The following PDE4D variants were observed in gnomAD, a reference collection of about 807,000 sequenced individuals.
PDE4D encodes the protein 3',5'-cyclic-AMP phosphodiesterase 4D.
Under a neutral mutation model 87.4 loss-of-function variants are expected in PDE4D, and 24 were observed. The observed-to-expected ratio is 0.27, with a 90% CI of 0.20 to 0.39. The LOEUF is 0.39. Ranked by LOEUF, PDE4D falls within the 10% of genes least tolerant of loss-of-function variation. The probability of loss-of-function intolerance (pLI) is 1.00; values close to 1 mark genes in which losing one functional copy is unlikely to be tolerated. For synonymous variants in PDE4D, 384 were observed against 383.2 expected (o/e 1.00, Z -0.02); for missense variants, 714 against 1,041.0 (o/e 0.69, Z 4.32).
At chr5:60,106,422 C>A (rs1425626689) in intron 2 of PDE4D, among the ~76,000 whole-genome samples, 1 of 151,748 alleles carries the variant, frequency 6.6e-6, no homozygotes, top group Admixed American at 6.6e-5. Context: ...GACTTTAACA[C>A]CCCACTGTCA....
intron 1 of PDE4D, among the ~76,000 whole-genome samples, chr5:60,325,103 C>T (rs1756664251): frequency 6.6e-6 from 1 of 152,116 alleles, no homozygotes; most frequent in Non-Finnish European, 1.5e-5. Flanking sequence ...ATATTCTAAG[C>T]CTTAAAAACA....
intron 3 of PDE4D, among the ~76,000 whole-genome samples, chr5:59,970,276 C>A (rs1001485171): frequency 2.0e-5 from 3 of 152,126 alleles, no homozygotes; most frequent in Non-Finnish European, 2.9e-5. Context: ...CTAGGCAATA[C>A]CATTCAGGAC....
At chr5:59,378,784 C>A (rs539267906) in intron 1 of PDE4D, among the ~76,000 whole-genome samples, 387 of 152,184 alleles carry the variant, frequency 2.5e-3, no homozygotes, top group African/African-American at 8.7e-3. Flanking sequence ...GAGATTTCTT[C>A]AAAATTTTTA....
At chr5:59,207,553 G>A (rs1343543695) in intron 2 of PDE4D, among the ~76,000 whole-genome samples, 2 of 152,068 alleles carry the variant, frequency 1.3e-5, no homozygotes, top group Non-Finnish European at 2.9e-5. Context: ...TGCTCTTAGA[G>A]ATTGCATTCT....
intron 1 of PDE4D, among the ~76,000 whole-genome samples, chr5:60,260,313 G>C (rs1435990831): frequency 6.6e-6 from 1 of 151,980 alleles, no homozygotes; most frequent in Non-Finnish European, 1.5e-5. Context: ...CAGAATCATG[G>C]TTGGAGCCCA....
At chr5:60,335,733 T>A (rs1207326110) in intron 1 of PDE4D, among the ~76,000 whole-genome samples, 1 of 152,134 alleles carries the variant, frequency 6.6e-6, no homozygotes, top group Non-Finnish European at 1.5e-5. Context: ...TGTAAGTCTT[T>A]TAATGTGGGG....
At chr5:60,208,616 G>A (rs549452787) in intron 1 of PDE4D, among the ~76,000 whole-genome samples, 26 of 152,304 alleles carry the variant, frequency 1.7e-4, no homozygotes, top group African/African-American at 4.1e-4. Flanking sequence ...ATGCTTTCCC[G>A]CCAGTGCTGC....
At chr5:59,201,918 A>AT (rs1466162632) in intron 2 of PDE4D, among the ~76,000 whole-genome samples, 1 of 152,156 alleles carries the variant, frequency 6.6e-6, no homozygotes, top group African/African-American at 2.4e-5. Context: ...TATGAGTAAC[A>AT]TTAAAGCTGT....
At chr5:59,687,635 C>T (rs1473802967) in intron 1 of PDE4D, among the ~76,000 whole-genome samples, 3 of 152,126 alleles carry the variant, frequency 2.0e-5, no homozygotes, top group Non-Finnish European at 2.9e-5. Context: ...TAAAGACCAT[C>T]GATGCTAGGA....
rs371147531 is a variant in PDE4D at position 59,855,060 on chromosome 5, T to C, written c.455+38108A>G. ...GAGTGTGTATATGAGTTCCTGGTAA[T>C]GTTGCCAAAATGCGGGCTCTGATCC... On this transcript the variant is annotated intron_variant, in intron 1 of 14. Coordinates refer to ENST00000340635, the MANE Select transcript of PDE4D (RefSeq NM_001104631.2). 4.3e-4 allele frequency among the ~76,000 whole-genome samples: 65 copies of C among 152,230 alleles called. 1 individual carries two copies. The South Asian group carries it at 5.6e-3, about 13-fold the overall frequency.
intron 5 of PDE4D, among the ~76,000 whole-genome samples, chr5:59,175,965 A>G (rs957813765): frequency 6.6e-6 from 1 of 151,846 alleles, no homozygotes; most frequent in Non-Finnish European, 1.5e-5. Flanking sequence ...ATCTCCTTGA[A>G]TTCTTGCAAC....
intron 1 of PDE4D, among the ~76,000 whole-genome samples, chr5:60,271,859 T>C (rs1583272062): frequency 6.6e-6 from 1 of 152,272 alleles, no homozygotes; most frequent in South Asian, 2.1e-4. Flanking sequence ...GTATTGAGAA[T>C]GACAAAGCAC....
chr5:60,236,024 T>C (rs939820279), intron 1 of PDE4D, among the ~76,000 whole-genome samples: 11 of 152,004 alleles, frequency 7.2e-5, no homozygotes, highest in Admixed American at 2.0e-4. Context: ...GCTGGAGCAA[T>C]GCATACAGAC....
At chr5:59,943,122 T>C (rs891128756) in intron 3 of PDE4D, among the ~76,000 whole-genome samples, 1 of 152,140 alleles carries the variant, frequency 6.6e-6, no homozygotes, top group African/African-American at 2.4e-5. Context: ...ATTTTGAGTC[T>C]CATGGAAAGT....
chr5:60,128,902 T>C (rs773375211), intron 2 of PDE4D, among the ~76,000 whole-genome samples: 4 of 152,198 alleles, frequency 2.6e-5, no homozygotes, highest in African/African-American at 4.8e-5. Context: ...GTTAGAATAA[T>C]TCAAGGTGGT....
intron 2 of PDE4D, among the ~76,000 whole-genome samples, chr5:60,149,933 TAC>T: frequency 1.4e-5 from 2 of 147,200 alleles, no homozygotes; most frequent in South Asian, 4.2e-4. Context: ...ATCCTATATA[TAC>T]ATATGTTATA....
chr5:59,430,339 G>A (rs1795924042), intron 1 of PDE4D: 5 of 1,231,142 alleles, frequency 4.1e-6, no homozygotes, highest in Non-Finnish European at 5.1e-6. Context: ...GATCGCGTAT[G>A]GTGATCCATG....
At chr5:60,073,695 A>G (rs1196564917) in intron 2 of PDE4D, among the ~76,000 whole-genome samples, 1 of 151,882 alleles carries the variant, frequency 6.6e-6, no homozygotes, top group Non-Finnish European at 1.5e-5. Flanking sequence ...TACTGATCCA[A>G]TTTCACAGTT....
chr5:59,922,188 A>G (rs996579571), intron 3 of PDE4D, among the ~76,000 whole-genome samples: 3 of 152,188 alleles, frequency 2.0e-5, no homozygotes, highest in African/African-American at 7.2e-5. Context: ...TGCCCATTCC[A>G]GCAGTCAGAA....
Sources: allele counts gnomAD v4.1 joint callset (sites outside exome capture counted in the v4.1 genomes callset), GRCh38; gene constraint gnomAD v4.1.1; transcripts MANE v1.5; gene names NCBI Gene and HGNC (gene_info 2026-07-23, HGNC 2026-07-21).